Variants in PCDHGA5 observed in about 807,000 individuals in gnomAD.
The protein encoded by PCDHGA5 is protocadherin gamma-A5.
PCDHGA5 carries 36 observed loss-of-function variants against 56.7 expected under a neutral mutation model. The observed-to-expected ratio is 0.64, with a 90% confidence interval of 0.49 to 0.84. The LOEUF (loss-of-function observed/expected upper bound fraction) is 0.84. Among genes scored for constraint, PCDHGA5 ranks in the 40% least tolerant of loss-of-function variants. The pLI, the probability that PCDHGA5 is intolerant of heterozygous loss-of-function variation, is 0.00. For missense variants in PCDHGA5, 1,305 were observed against 1,201.5 expected (o/e 1.09, Z -1.27); for synonymous variants, 563 against 520.2 (o/e 1.08, Z -1.12).
At chr5:141,428,164 T>C (rs1221973020) in intron 1 of PCDHGA5, 1 of 1,564,976 alleles carries the variant, frequency 6.4e-7, no homozygotes, top group South Asian at 1.1e-5. Flanking sequence ...TGCTGGTTGC[T>C]GTGCGTGACG....
chr5:141,509,872 G>T (rs968745661), intron 3 of PCDHGA5, among the ~76,000 whole-genome samples: 16 of 152,166 alleles, frequency 1.1e-4, no homozygotes, highest in Non-Finnish European at 1.5e-5. Context: ...CCAAGCTGCT[G>T]GTGGTGATGG....
chr5:141,419,214 T>C lies in PCDHGA5; in HGVS notation c.2421+52463T>C. On this transcript the variant is annotated intron_variant, in intron 1 of 3. Coordinates refer to ENST00000518069, the MANE Select transcript of PCDHGA5 (RefSeq NM_018918.3). ...GACGTCAATGACAACGCGCCGGTTT[T>C]CGGACAGTCAGCCTACCTGGTCCAC... 1.9e-6 allele frequency: 3 copies of C among 1,613,986 alleles called. No individual in the cohort carries two copies. In the South Asian group the frequency reaches 3.3e-5, roughly 18 times the overall value.
chr5:141,374,282 G>C, intron 1 of PCDHGA5: 1 of 1,613,972 alleles, frequency 6.2e-7, no homozygotes, highest in Non-Finnish European at 8.5e-7. Context: ...AGTCCGCATC[G>C]TCTCCAGAGG....
chr5:141,478,011 G>A (rs1216659966), intron 1 of PCDHGA5: 1 of 1,614,088 alleles, frequency 6.2e-7, no homozygotes, highest in East Asian at 2.2e-5. Flanking sequence ...AGTACTGCCC[G>A]TCCAGTCCAA....
At chr5:141,424,215 G>T in intron 1 of PCDHGA5, 1 of 167,104 alleles carries the variant, frequency 6.0e-6, no homozygotes. Flanking sequence ...TTTTCTCTGA[G>T]CAATTTTATT....
rs745961736 is a variant in PCDHGA5, at chr5:141,372,460, A to G, written c.2421+5709A>G. On this transcript the variant is annotated intron_variant, in intron 1 of 3. Coordinates refer to ENST00000518069, the MANE Select transcript of PCDHGA5 (RefSeq NM_018918.3). ...CCCTCTGACCCTCAGGCGGAGCTAC[A>G]GTTTCACCTAGTAGTGGCGTTGGCC... 6.2e-5 allele frequency: 100 copies of G among 1,614,006 alleles called. 1 individual carries two copies. The South Asian group carries it at 1.1e-3, about 17-fold the overall frequency.
Position 141,366,545 on chromosome 5 carries a change from C to T in PCDHGA5, c.2215C>T (p.His739Tyr). Residue 739 changes from histidine to tyrosine, a missense_variant, in exon 1 of 4, where the codon CAC becomes TAC. Physicochemically the swap from His to Tyr is moderately conservative, Grantham distance 83. Coordinates refer to ENST00000518069, the MANE Select transcript of PCDHGA5 (RefSeq NM_018918.3). The stretch of plus-strand genomic sequence containing the variant: ...CAGGTTGGCGGGTGTGCCCGCCTCG[C>T]ACTTTGTGGGCGTGGATGGGGTTCG... ...GSRLAGVPAS[H>Y]FVGVDGVRAF... The T allele has an allele frequency of 6.2e-7, 1 of 1,614,268 alleles. No homozygotes were observed. The highest frequency in any genetic ancestry group is 2.2e-5 in the East Asian group (1 of 44,892).
chr5:141,418,914 T>C (rs1200050684), intron 1 of PCDHGA5: 4 of 1,613,964 alleles, frequency 2.5e-6, no homozygotes, highest in East Asian at 2.2e-5. Context: ...ATCACGTCAC[T>C]CTCTGATCAG....
At chr5:141,439,947 T>C (rs2098140958) in intron 1 of PCDHGA5, 1 of 152,516 alleles carries the variant, frequency 6.6e-6, no homozygotes, top group Non-Finnish European at 1.5e-5. Flanking sequence ...TTCTCTATGA[T>C]GCAGATCCGT....
intron 1 of PCDHGA5, among the ~76,000 whole-genome samples, chr5:141,482,800 G>C (rs10052648): frequency 0.023 from 2,992 of 130,874 alleles, 96 homozygotes; most frequent in African/African-American, 0.087. Context: ...GGCCGGGTAC[G>C]GTGGCTCATG....
chr5:141,376,562 C>A, intron 1 of PCDHGA5: 1 of 1,608,850 alleles, frequency 6.2e-7, no homozygotes, highest in Non-Finnish European at 8.5e-7. Context: ...CGCAACCCAA[C>A]TAATCAGACA....
intron 1 of PCDHGA5, among the ~76,000 whole-genome samples, chr5:141,436,175 A>G (rs1263518258): frequency 1.3e-5 from 2 of 152,192 alleles, no homozygotes; most frequent in Non-Finnish European, 2.9e-5. Flanking sequence ...CAGTTCTCAT[A>G]TATAGTCAAA....
rs70988800 is a variant in PCDHGA5 at position 141,379,889 on chromosome 5, C to CTTTTTTTTTTTTTT, written c.2421+13155_2421+13168dup. ...CTTATTTTATGGTCTGTGAAAGCCT[C>CTTTTTTTTTTTTTT]TTTTTTTTTTTTTTTTTTTTTTTTT... On this transcript the variant is annotated intron_variant, in intron 1 of 3. Coordinates refer to ENST00000518069, the MANE Select transcript of PCDHGA5 (RefSeq NM_018918.3). Among the ~76,000 whole-genome samples, 79 of 50,828 alleles carry CTTTTTTTTTTTTTT rather than the reference C, an allele frequency of 1.6e-3. 14 individuals carry two copies. The highest frequency in any genetic ancestry group is 2.7e-3 in the African/African-American group (40 of 15,084). 33.3% of individuals were successfully genotyped at this position (50,828 alleles called of 152,430 possible).
At position 141,511,648 on chromosome 5, in the gene PCDHGA5, G is replaced by T. The variant is rs553080689; in HGVS notation, c.*475G>T. The T allele has an allele frequency of 1.4e-5, 3 of 214,700 alleles. No homozygotes were observed. Among genetic ancestry groups the T allele is most frequent in the East Asian group, 2.1e-4 (2 of 9,414 alleles). The allele number at this position is 214,700 out of a possible 1,614,324, so 13.3% of individuals were successfully genotyped here. A position where few individuals can be genotyped will look rare whatever the true frequency, so the allele number is the denominator to read the frequency against. On this transcript the variant is annotated 3_prime_UTR_variant, in exon 4 of 4. Coordinates refer to ENST00000518069, the MANE Select transcript of PCDHGA5 (RefSeq NM_018918.3). ...AGTTGGAAGGGCATCATGACCTCTTGGCCTCTCCTTTGATTCTCAATCTTC... is the reference window on the plus strand; with the variant it reads ...AGTTGGAAGGGCATCATGACCTCTTTGCCTCTCCTTTGATTCTCAATCTTC...
At chr5:141,391,576 T>A (rs1172672552) in intron 1 of PCDHGA5, 1 of 152,236 alleles carries the variant, frequency 6.6e-6, no homozygotes, top group Non-Finnish European at 1.5e-5. Flanking sequence ...AGAAAATATA[T>A]TCACAGGAAA....
At chr5:141,409,893 A>G in intron 1 of PCDHGA5, 2 of 1,613,138 alleles carry the variant, frequency 1.2e-6, no homozygotes, top group Middle Eastern at 3.3e-4. Flanking sequence ...CGGGTGCTGT[A>G]CCCAGCTCTG....
intron 1 of PCDHGA5, chr5:141,442,360 G>A (rs890049391): frequency 6.6e-6 from 1 of 152,272 alleles, no homozygotes; most frequent in African/African-American, 2.4e-5. Flanking sequence ...GTAGCTCTAT[G>A]ATGCCATATT....
At chr5:141,466,275 A>G (rs1163982252) in intron 1 of PCDHGA5, among the ~76,000 whole-genome samples, 1 of 152,112 alleles carries the variant, frequency 6.6e-6, no homozygotes. Context: ...AGCTCAAGCA[A>G]TCTTCCCACC....
At chr5:141,374,332 C>T (rs759827582) in intron 1 of PCDHGA5, 3 of 1,613,984 alleles carry the variant, frequency 1.9e-6, no homozygotes, top group South Asian at 2.2e-5. Context: ...GAAACGGCAG[C>T]TTGGTCACCG....
Sources: gnomAD v4.1 joint callset for allele counts (sites outside exome capture counted in the v4.1 genomes callset) on GRCh38, gnomAD v4.1.1 for gene constraint, MANE v1.5 for transcripts, NCBI Gene and HGNC (gene_info 2026-07-23, HGNC 2026-07-21) for gene names.